ANO3: variants seen among roughly 807,000 people sequenced by gnomAD.
ANO3 encodes the protein anoctamin 3.
A neutral mutation model predicts 144.8 loss-of-function variants in ANO3; 99 were observed. That is an observed-to-expected ratio of 0.68 (90% CI 0.58 to 0.81). The LOEUF (loss-of-function observed/expected upper bound fraction) is 0.81. Ranked by LOEUF, ANO3 falls within the 30% of genes least tolerant of loss-of-function variation. The pLI is 0.00. For synonymous variants in ANO3, 414 were observed against 392.6 expected (o/e 1.05, Z -0.64); for missense variants, 905 against 1,202.2 (o/e 0.75, Z 3.66).
intron 1 of ANO3, chr11:26,287,867 A>C (rs943426770): frequency 2.0e-5 from 3 of 152,228 alleles, no homozygotes; most frequent in Admixed American, 1.3e-4. Context: ...GGATGAGTTG[A>C]AACTCACATT....
intron 4 of ANO3, among the ~76,000 whole-genome samples, chr11:26,505,605 A>C (rs962581628): frequency 1.3e-5 from 2 of 152,172 alleles, no homozygotes; most frequent in Non-Finnish European, 2.9e-5. Flanking sequence ...CAGACACATT[A>C]GATATACTGG....
chr11:26,297,193 G>A (rs1854112556), intron 1 of ANO3, among the ~76,000 whole-genome samples: 1 of 151,956 alleles, frequency 6.6e-6, no homozygotes, highest in African/African-American at 2.4e-5. Context: ...GCGTGTGTGT[G>A]TGTGTGTGTG....
At chr11:26,357,140 G>A (rs912629107) in intron 1 of ANO3, among the ~76,000 whole-genome samples, 1 of 152,124 alleles carries the variant, frequency 6.6e-6, no homozygotes, top group African/African-American at 2.4e-5. Flanking sequence ...GGTCATTTCC[G>A]TTGTTTCCAG....
At chr11:26,432,995 A>G (rs749774361) in intron 1 of ANO3, among the ~76,000 whole-genome samples, 1 of 152,138 alleles carries the variant, frequency 6.6e-6, no homozygotes, top group Non-Finnish European at 1.5e-5. Flanking sequence ...TTTGTGAAGT[A>G]TGGCCATTTC....
intron 1 of ANO3, among the ~76,000 whole-genome samples, chr11:26,317,266 A>C (rs902142732): frequency 6.6e-6 from 1 of 151,964 alleles, no homozygotes; most frequent in Non-Finnish European, 1.5e-5. Flanking sequence ...CCTACAATCC[A>C]GGCTGTTTTG....
chr11:26,643,423 CTTAA>C, intron 23 of ANO3, 89 bp downstream of exon 23: 1 of 1,495,142 alleles, frequency 6.7e-7, no homozygotes, highest in Non-Finnish European at 9.1e-7. Context: ...TATGTTGAAA[CTTAA>C]TTGCCAGTGT....
At chr11:26,486,003 C>A (rs1460814885) in intron 4 of ANO3, among the ~76,000 whole-genome samples, 5 of 152,002 alleles carry the variant, frequency 3.3e-5, no homozygotes, top group Non-Finnish European at 2.9e-5. Flanking sequence ...TGAAAAATAA[C>A]CTTGCCTTTT....
chr11:26,502,290 G>T (rs949456301), intron 4 of ANO3, among the ~76,000 whole-genome samples: 1 of 151,978 alleles, frequency 6.6e-6, no homozygotes, highest in Non-Finnish European at 1.5e-5. Flanking sequence ...TCAGTGTTGC[G>T]ACTGTTCTGC....
chr11:26,376,037 A>T (rs1564990605), intron 1 of ANO3, among the ~76,000 whole-genome samples: 1 of 152,170 alleles, frequency 6.6e-6, no homozygotes, highest in Non-Finnish European at 1.5e-5. Flanking sequence ...TAAAAATGGT[A>T]AAGGGAATAA....
chr11:26,630,307 T>A (rs184572978), intron 18 of ANO3, among the ~76,000 whole-genome samples: 87 of 152,374 alleles, frequency 5.7e-4, no homozygotes, highest in Admixed American at 1.0e-3. Flanking sequence ...AAGTATTATT[T>A]GTCTTCACTG....
intron 1 of ANO3, among the ~76,000 whole-genome samples, chr11:26,238,380 G>A (rs1459653798): frequency 6.6e-6 from 1 of 151,994 alleles, no homozygotes; most frequent in African/African-American, 2.4e-5. Flanking sequence ...TTCAAAATTT[G>A]CTGTTGAATT....
rs376211456 is a variant in ANO3 at position 26,319,144 on chromosome 11, C to CATTATTATTATTATTATTATTATT, written c.-3+9445_-3+9446insTATTATTATTATTATTATTATTAT. Among the ~76,000 whole-genome samples, 627 of 150,924 alleles carry CATTATTATTATTATTATTATTATT rather than the reference C, an allele frequency of 4.2e-3. 3 individuals carry two copies. The highest frequency in any genetic ancestry group is 0.023 in the East Asian group (116 of 5,118). On this transcript the variant is annotated intron_variant, in intron 1 of 26. Transcript: ENST00000525139. ...GGTGTGTGCCACTACTTCCAGATAACATTATTATTATTATTATTATCGTTA... is the reference window on the plus strand; with the variant it reads ...GGTGTGTGCCACTACTTCCAGATAACATTATTATTATTATTATTATTATTATTATTATTATTATTATTATCGTTA...
At chr11:26,215,048 C>T (rs4300356) in intron 1 of ANO3, among the ~76,000 whole-genome samples, 45,907 of 151,688 alleles carry the variant, frequency 0.3, 7,688 homozygotes, top group Non-Finnish European at 0.37. Flanking sequence ...GACAAAGGTA[C>T]GTACTATCAA....
At chr11:26,253,450 G>T (rs1852984101) in intron 1 of ANO3, among the ~76,000 whole-genome samples, 1 of 151,548 alleles carries the variant, frequency 6.6e-6, no homozygotes, top group African/African-American at 2.4e-5. Context: ...ATAACTAATG[G>T]TTACTAGGCT....
intron 1 of ANO3, among the ~76,000 whole-genome samples, chr11:26,269,771 T>C (rs1853401173): frequency 6.6e-6 from 1 of 152,024 alleles, no homozygotes; most frequent in Non-Finnish European, 1.5e-5. Context: ...CCTTTTCGGG[T>C]TTGACAGTTA....
chr11:26,202,197 A>C (rs2133913068), intron 1 of ANO3, among the ~76,000 whole-genome samples: 1 of 147,332 alleles, frequency 6.8e-6, no homozygotes, highest in African/African-American at 2.5e-5. Flanking sequence ...CTTTTAAGTT[A>C]TATTATTTCC....
At chr11:26,306,523 G>A (rs1472764816), upstream of ANO3, among the ~76,000 whole-genome samples, 1 of 151,992 alleles carries the variant, frequency 6.6e-6, no homozygotes, top group African/African-American at 2.4e-5. Context: ...AATTAGCCAG[G>A]TGCAGTGGTG....
intron 1 of ANO3, among the ~76,000 whole-genome samples, chr11:26,316,240 C>G (rs2133875004): frequency 6.6e-6 from 1 of 152,260 alleles, no homozygotes; most frequent in South Asian, 2.1e-4. Context: ...CCAGGGGTGT[C>G]ACCGCCTTCT....
At chr11:26,595,989 A>G (rs953072234) in intron 14 of ANO3, among the ~76,000 whole-genome samples, 14 of 152,142 alleles carry the variant, frequency 9.2e-5, no homozygotes, top group Non-Finnish European at 1.9e-4. Flanking sequence ...AATTTTTGAT[A>G]GGAAGGCTAT....
Sources: allele counts gnomAD v4.1 joint callset (sites outside exome capture counted in the v4.1 genomes callset), GRCh38; gene constraint gnomAD v4.1.1; transcripts MANE v1.5; gene names NCBI Gene and HGNC (gene_info 2026-07-23, HGNC 2026-07-21).